BRCA2: variants seen among roughly 807,000 people sequenced by gnomAD.
BRCA2 encodes the protein BRCA2 DNA repair associated.
In BRCA2, 203 loss-of-function variants were observed where a neutral mutation model predicts 276.7. The ratio of observed to expected loss-of-function variants is 0.73; its 90% CI spans 0.65 to 0.82. The LOEUF (loss-of-function observed/expected upper bound fraction) is 0.82, where lower values mean the gene tolerates loss of function less well. BRCA2 is among the 40% of genes least tolerant of loss of function. The pLI is 0.00. For synonymous variants in BRCA2, 1,289 were observed against 1,338.4 expected (o/e 0.96, Z 0.81); for missense variants, 3,920 against 3,915.0 (o/e 1.00, Z -0.03).
At position 32,333,386 on chromosome 13, in the gene BRCA2, A is replaced by G. The variant is rs786201892; in HGVS notation, c.1908A>G (p.Ser636=). The G allele has an allele frequency of 6.2e-7, 1 of 1,607,902 alleles. No individual in the cohort carries two copies. Among genetic ancestry groups the G allele is most frequent in the South Asian group, 1.1e-5 (1 of 88,736 alleles). Residue 636 remains serine (S), a splice_region_variant and synonymous_variant, in exon 10 of 27, where the codon TCA becomes TCG. Transcript: ENST00000380152. ...EAPLTFANAD[S]GLLHSSVKRS... ...CACTTACATTTGCAAATGCTGATTC[A>G]GGTACCTCTGTCTTTTTTTTTTTGT... is the stretch of plus-strand genomic sequence containing the variant.
intron 22 of BRCA2, 67 bp from the exon 23 acceptor site, chr13:32,379,683 T>G (rs2137621405): frequency 6.4e-7 from 1 of 1,565,296 alleles, no homozygotes; most frequent in Non-Finnish European, 8.8e-7. Context: ...TCTGTATTTA[T>G]TTTGAAACAA....
intron 20 of BRCA2, among the ~76,000 whole-genome samples, chr13:32,372,749 A>G (rs564259070): frequency 2.4e-4 from 37 of 152,274 alleles, no homozygotes; most frequent in Non-Finnish European, 5.3e-4. Context: ...CCTTCCTAAC[A>G]GTCTCCGAAA....
At chr13:32,341,240 T>A (rs763942595) in intron 11 of BRCA2, 44 bp downstream of exon 11, 3 of 1,611,974 alleles carry the variant, frequency 1.9e-6, no homozygotes, top group Non-Finnish European at 2.5e-6. Context: ...TCACTATTTT[T>A]AAAGTGTTTA....
chr13:32,338,662 T>C lies in BRCA2; in HGVS notation c.4307T>C (p.Ile1436Thr), dbSNP rs746472081. The stretch of plus-strand genomic sequence containing the variant: ...TTTCAGACTGCAAGTGGGAAAAATA[T>C]TAGTGTCGCCAAAGAGTCATTTAAT... The part of the protein sequence containing the change: ...TFFQTASGKN[I>T]SVAKESFNKI... Residue 1436 changes from isoleucine to threonine, a missense_variant, in exon 11 of 27, where the codon ATT (isoleucine) becomes ACT (threonine). Transcript: ENST00000380152. The C allele has an allele frequency of 1.9e-6, 3 of 1,597,192 alleles. No homozygotes were observed. In the East Asian group the frequency reaches 6.7e-5, roughly 36 times the overall value.
chr13:32,349,524 A>G (rs566106983), intron 13 of BRCA2, among the ~76,000 whole-genome samples: 5 of 152,052 alleles, frequency 3.3e-5, no homozygotes, highest in African/African-American at 1.2e-4. Context: ...AAATGGAATA[A>G]GTTGAAATTA....
chr13:32,378,686 G>A (rs937376754), intron 21 of BRCA2, among the ~76,000 whole-genome samples: 3 of 152,072 alleles, frequency 2.0e-5, no homozygotes, highest in African/African-American at 7.2e-5. Context: ...TTTGTTTATT[G>A]ATTTATCTGT....
chr13:32,351,836 C>G (rs1311836062), intron 13 of BRCA2, among the ~76,000 whole-genome samples: 4 of 152,058 alleles, frequency 2.6e-5, no homozygotes, highest in African/African-American at 9.7e-5. Flanking sequence ...GAGTCTCACT[C>G]TGTCGCCCAG....
intron 18 of BRCA2, 80 bp downstream of exon 18, chr13:32,363,613 GCT>G: frequency 7.9e-7 from 1 of 1,265,904 alleles, no homozygotes; most frequent in Non-Finnish European, 1.1e-6. Flanking sequence ...AATTTTAAAT[GCT>G]TACTAAGGAT....
intron 11 of BRCA2, among the ~76,000 whole-genome samples, chr13:32,342,133 C>T (rs1057322326): frequency 2.0e-5 from 3 of 151,882 alleles, no homozygotes; most frequent in African/African-American, 4.8e-5. Flanking sequence ...ATTAGCCAAG[C>T]GTGGTGGCGC....
At chr13:32,374,631 G>A (rs1161685034) in intron 20 of BRCA2, among the ~76,000 whole-genome samples, 2 of 152,232 alleles carry the variant, frequency 1.3e-5, no homozygotes, top group African/African-American at 4.8e-5. Context: ...CTTTGCTCCA[G>A]TTCCCAATAA....
In BRCA2 at chr13:32,356,470, T is replaced by C. The variant is rs863224597; in HGVS notation, c.7478T>C (p.Met2493Thr). ...CAGAATGCCAGAGATATACAGGATATGCGAATTAAGAAGAAACAAAGGCAA... is the reference window on the plus strand; with the variant it reads ...CAGAATGCCAGAGATATACAGGATACGCGAATTAAGAAGAAACAAAGGCAA... The part of the protein sequence containing the change: ...SLQNARDIQD[M>T]RIKKKQRQRV... The change falls in exon 15 of 27, where the codon ATG (methionine) becomes ACG (threonine). Residue 2493 changes from methionine to threonine, a missense_variant. Physicochemically the swap from Met to Thr is moderately conservative, Grantham distance 81 (BLOSUM62 -1). Around this residue, in one of 2 missense-constraint regions of BRCA2, gnomAD observed 3,263 missense variants for 3,156.9 expected, o/e 1.03. Coordinates refer to ENST00000380152, the MANE Select transcript of BRCA2 (RefSeq NM_000059.4). 1 of 1,614,124 alleles carries C rather than the reference T, an allele frequency of 6.2e-7. No homozygotes were observed. Among genetic ancestry groups the C allele is most frequent in the Non-Finnish European group, 8.5e-7 (1 of 1,179,960 alleles).
chr13:32,372,839 T>G (rs2072843724), intron 20 of BRCA2, among the ~76,000 whole-genome samples: 1 of 152,172 alleles, frequency 6.6e-6, no homozygotes, highest in Non-Finnish European at 1.5e-5. Context: ...CTTCCACCTA[T>G]GAGCCTGTAA....
At chr13:32,352,520 T>G (rs2072660196) in intron 13 of BRCA2, among the ~76,000 whole-genome samples, 1 of 152,208 alleles carries the variant, frequency 6.6e-6, no homozygotes, top group African/African-American at 2.4e-5. Context: ...AGAAAAATTA[T>G]CAGCTAATCA....
Position 32,327,647 on chromosome 13 carries a change from T to C in BRCA2, c.631+1034T>C, listed in dbSNP as rs1374357257. On this transcript the variant is annotated intron_variant, in intron 7 of 26. Transcript: ENST00000380152. The stretch of plus-strand genomic sequence containing the variant: ...ATCATCACGCCACTGCACTCCAGCC[T>C]GGGCAACAGAGCAAGACTCTGTCTC... Among the ~76,000 whole-genome samples the C allele has an allele frequency of 2.0e-5, 3 of 149,704 alleles. No individual in the cohort carries two copies. The East Asian group carries it at 5.9e-4, about 29-fold the overall frequency.
intron 15 of BRCA2, 53 bp from the exon 16 acceptor site, chr13:32,357,689 T>C (rs1227981644): frequency 3.9e-6 from 6 of 1,557,850 alleles, no homozygotes; most frequent in South Asian, 2.3e-5. Flanking sequence ...TATTGTGTGA[T>C]ACATGTTTAC....
chr13:32,356,277 T>G, intron 14 of BRCA2, 151 bp from the exon 15 acceptor site: 2 of 683,626 alleles, frequency 2.9e-6, no homozygotes, highest in South Asian at 3.6e-5. Flanking sequence ...TCCATTTTGG[T>G]CAGGCTGGTC....
chr13:32,364,675 CCTTTT>C (rs1343477865), intron 18 of BRCA2, among the ~76,000 whole-genome samples: 1 of 152,188 alleles, frequency 6.6e-6, no homozygotes, highest in Admixed American at 6.5e-5. Flanking sequence ...TATTAACTGT[CCTTTT>C]CATTTCTCTT....
chr13:32,337,618 C>A lies in BRCA2; in HGVS notation c.3263C>A (p.Pro1088His). 6.3e-7 allele frequency: 1 copy of A among 1,590,274 alleles called. No individual in the cohort carries two copies. The highest frequency in any genetic ancestry group is 2.2e-5 in the East Asian group (1 of 44,648). The stretch of plus-strand genomic sequence containing the variant: ...GATTGTAAAAATAGTCATATAACCC[C>A]TCAGATGTTATTTTCCAAGCAGGAT... ...VSDCKNSHIT[P>H]QMLFSKQDFN... Residue 1088 changes from proline (P) to histidine (H), a missense_variant, in exon 11 of 27, where the codon CCT (proline) becomes CAT (histidine). Pro to His is a moderately conservative substitution (Grantham distance 77). Coordinates refer to ENST00000380152, the MANE Select transcript of BRCA2 (RefSeq NM_000059.4).
chr13:32,371,234 A>T (rs1205527338), intron 20 of BRCA2, 134 bp downstream of exon 20: 3 of 918,034 alleles, frequency 3.3e-6, no homozygotes, highest in Non-Finnish European at 4.9e-6. Context: ...TTTAGTATCT[A>T]GGGTATTCTT....
Sources: allele counts gnomAD v4.1 joint callset (sites outside exome capture counted in the v4.1 genomes callset), GRCh38; gene constraint gnomAD v4.1.1; regional missense constraint gnomAD v4.1.1; transcripts MANE v1.5; gene names NCBI Gene and HGNC (gene_info 2026-07-23, HGNC 2026-07-21).